The following ATXN1 variants were observed in gnomAD, a reference collection of about 807,000 sequenced individuals.
ATXN1 encodes the protein ataxin-1.
A neutral mutation model predicts 56.4 loss-of-function variants in ATXN1; 8 were observed. The ratio of observed to expected loss-of-function variants is 0.14; its 90% CI spans 0.08 to 0.26. The LOEUF is 0.26. Ranked by LOEUF, ATXN1 falls within the 10% of genes least tolerant of loss-of-function variation. The pLI is 1.00. For missense variants in ATXN1, 987 were observed against 1,106.5 expected (o/e 0.89, Z 1.53); for synonymous variants, 514 against 494.6 (o/e 1.04, Z -0.52).
At chr6:16,574,837 T>TC (rs1291653992) in intron 4 of ATXN1, among the ~76,000 whole-genome samples, 6 of 151,186 alleles carry the variant, frequency 4.0e-5, no homozygotes, top group Admixed American at 3.9e-4. Flanking sequence ...TTTTTTTTTT[T>TC]CCTGTTTCAG....
intron 2 of ATXN1, among the ~76,000 whole-genome samples, chr6:16,713,788 C>T (rs1290369067): frequency 6.6e-6 from 1 of 152,166 alleles, no homozygotes; most frequent in Non-Finnish European, 1.5e-5. Context: ...GGCCTGGCGC[C>T]CAGAAATCTG....
intron 2 of ATXN1, among the ~76,000 whole-genome samples, chr6:16,693,726 A>G (rs888444357): frequency 6.6e-6 from 1 of 152,206 alleles, no homozygotes; most frequent in African/African-American, 2.4e-5. Context: ...GGGAAAGATT[A>G]AATTATGTTC....
At chr6:16,564,453 C>T (rs1365046160) in intron 4 of ATXN1, among the ~76,000 whole-genome samples, 1 of 151,998 alleles carries the variant, frequency 6.6e-6, no homozygotes, top group Non-Finnish European at 1.5e-5. Context: ...TGGAGACAAC[C>T]CAAATGTCCA....
chr6:16,605,227 A>G (rs1762982100), intron 3 of ATXN1, among the ~76,000 whole-genome samples: 1 of 152,208 alleles, frequency 6.6e-6, no homozygotes, highest in South Asian at 2.1e-4. Context: ...TGACAACACT[A>G]AATTCTCCTT....
chr6:16,550,332 A>C (rs1761897738), intron 4 of ATXN1, among the ~76,000 whole-genome samples: 1 of 152,000 alleles, frequency 6.6e-6, no homozygotes, highest in Non-Finnish European at 1.5e-5. Context: ...TTCCAACCAC[A>C]TGCTCCTGTC....
At chr6:16,713,775 CT>C (rs764958866) in intron 2 of ATXN1, among the ~76,000 whole-genome samples, 9 of 152,216 alleles carry the variant, frequency 5.9e-5, no homozygotes, top group Non-Finnish European at 1.0e-4. Flanking sequence ...ATCAGAACCC[CT>C]GGGCCTGGCG....
intron 7 of ATXN1, among the ~76,000 whole-genome samples, chr6:16,316,013 C>A (rs1277312021): frequency 6.6e-6 from 1 of 152,150 alleles, no homozygotes; most frequent in Non-Finnish European, 1.5e-5. Context: ...GATCCCCAAC[C>A]CCCAGGCAAC....
chr6:16,364,923 G>C (rs1395381515), intron 6 of ATXN1, among the ~76,000 whole-genome samples: 1 of 152,204 alleles, frequency 6.6e-6, no homozygotes, highest in African/African-American at 2.4e-5. Context: ...GGAAATGAGT[G>C]GTGACTACAG....
At chr6:16,492,951 TCTA>T (rs1230365888) in intron 5 of ATXN1, among the ~76,000 whole-genome samples, 3 of 152,312 alleles carry the variant, frequency 2.0e-5, no homozygotes, top group African/African-American at 4.8e-5. Flanking sequence ...ATCATCATCT[TCTA>T]CTCTTTCTCC....
At chr6:16,599,465 CA>C (rs2113778798) in intron 3 of ATXN1, among the ~76,000 whole-genome samples, 1 of 151,974 alleles carries the variant, frequency 6.6e-6, no homozygotes, top group South Asian at 2.1e-4. Flanking sequence ...GTAATCCCAG[CA>C]TTTTGGGAGG....
chr6:16,751,813 G>C (rs1451594110), intron 2 of ATXN1, among the ~76,000 whole-genome samples: 1 of 152,226 alleles, frequency 6.6e-6, no homozygotes, highest in Non-Finnish European at 1.5e-5. Flanking sequence ...AACCTGTTGA[G>C]GGATAAGTTA....
intron 2 of ATXN1, among the ~76,000 whole-genome samples, chr6:16,694,728 C>G (rs995930227): frequency 6.6e-6 from 1 of 152,218 alleles, no homozygotes; most frequent in African/African-American, 2.4e-5. Flanking sequence ...CATCTCCTCT[C>G]TGGAGAATTC....
intron 6 of ATXN1, among the ~76,000 whole-genome samples, chr6:16,383,548 A>C (rs1185179027): frequency 2.0e-5 from 3 of 152,192 alleles, no homozygotes; most frequent in Non-Finnish European, 4.4e-5. Context: ...AATTCTTAAA[A>C]TATAAGTTGC....
intron 6 of ATXN1, among the ~76,000 whole-genome samples, chr6:16,356,573 C>T (rs1761691740): frequency 6.6e-6 from 1 of 152,162 alleles, no homozygotes; most frequent in Non-Finnish European, 1.5e-5. Flanking sequence ...GACTGAATTA[C>T]AATACCTCAG....
chr6:16,493,835 C>T (rs1760719373), intron 5 of ATXN1, among the ~76,000 whole-genome samples: 1 of 152,192 alleles, frequency 6.6e-6, no homozygotes, highest in East Asian at 1.9e-4. Context: ...GGAAACTGTG[C>T]AGTCCCTCAA....
At chr6:16,704,126 C>T (rs1057308225) in intron 2 of ATXN1, among the ~76,000 whole-genome samples, 16 of 152,312 alleles carry the variant, frequency 1.1e-4, no homozygotes, top group Middle Eastern at 6.8e-3. Flanking sequence ...AGGCAAAACA[C>T]GTCATGGAGC....
intron 2 of ATXN1, among the ~76,000 whole-genome samples, chr6:16,749,200 A>C (rs1190389112): frequency 6.6e-6 from 1 of 152,228 alleles, no homozygotes; most frequent in Non-Finnish European, 1.5e-5. Context: ...GGTTTATCAA[A>C]GTACAGTAAA....
chr6:16,378,125 TC>T (rs1348102956), intron 6 of ATXN1, among the ~76,000 whole-genome samples: 1 of 152,218 alleles, frequency 6.6e-6, no homozygotes, highest in East Asian at 1.9e-4. Flanking sequence ...CTTCCCTTTG[TC>T]TATGCCAGGT....
intron 6 of ATXN1, among the ~76,000 whole-genome samples, chr6:16,336,561 T>C (rs1343103458): frequency 1.3e-5 from 2 of 152,148 alleles, no homozygotes; most frequent in Non-Finnish European, 2.9e-5. Context: ...GTGGTGAGAC[T>C]GCAGAAGGAG....
Sources: allele counts gnomAD v4.1 joint callset (sites outside exome capture counted in the v4.1 genomes callset), GRCh38; gene constraint gnomAD v4.1.1; transcripts MANE v1.5; gene names NCBI Gene and HGNC (gene_info 2026-07-23, HGNC 2026-07-21).